Variants in PCBP3 observed in about 807,000 individuals in gnomAD.
The protein encoded by PCBP3 is poly(rC) binding protein 3.
In PCBP3, 25 loss-of-function variants were observed where a neutral mutation model predicts 52.7. The ratio of observed to expected loss-of-function variants is 0.47; its 90% confidence interval spans 0.35 to 0.66. The LOEUF (loss-of-function observed/expected upper bound fraction) is 0.66, where lower values mean the gene tolerates loss of function less well. Among genes scored for constraint, PCBP3 ranks in the 30% least tolerant of loss-of-function variants. The probability of loss-of-function intolerance (pLI) is 0.01; values close to 1 mark genes in which losing one functional copy is unlikely to be tolerated. For missense variants in PCBP3, 391 were observed against 490.3 expected (o/e 0.80, Z 1.91); for synonymous variants, 162 against 183.0 (o/e 0.89, Z 0.93).
At chr21:45,849,466 A>C in intron 4 of PCBP3, among the ~76,000 whole-genome samples, 1 of 152,082 alleles carries the variant, frequency 6.6e-6, no homozygotes, top group Non-Finnish European at 1.5e-5. Flanking sequence ...TTGGCCTCCC[A>C]AAGTGCTGGG....
intron 4 of PCBP3, among the ~76,000 whole-genome samples, chr21:45,784,335 G>GCTCTAC (rs1209477660): frequency 0.018 from 1,922 of 105,674 alleles, 55 homozygotes; most frequent in East Asian, 0.044. Context: ...AATAGTGACA[G>GCTCTAC]CTCTACCTCT....
chr21:45,900,928 T>A (rs1038817775), intron 8 of PCBP3, 69 bp from the exon 9 acceptor site: 1 of 1,061,520 alleles, frequency 9.4e-7, no homozygotes, highest in Non-Finnish European at 1.5e-6. Flanking sequence ...GTCAACGGAC[T>A]TGCGGCCCCC....
intron 2 of PCBP3, among the ~76,000 whole-genome samples, chr21:45,722,111 A>G (rs2084690493): frequency 6.6e-6 from 1 of 152,252 alleles, no homozygotes; most frequent in South Asian, 2.1e-4. Flanking sequence ...CCAAATACCC[A>G]GTAATAAAGG....
chr21:45,662,725 G>GGATATGATGA (rs998420034), intron 1 of PCBP3, among the ~76,000 whole-genome samples: 5 of 151,992 alleles, frequency 3.3e-5, no homozygotes, highest in Admixed American at 2.0e-4. Flanking sequence ...GGAGCTGAAG[G>GGATATGATGA]GACATGATGA....
At chr21:45,926,782 T>G (rs1265286052) in intron 13 of PCBP3, among the ~76,000 whole-genome samples, 1 of 150,776 alleles carries the variant, frequency 6.6e-6, no homozygotes, top group Non-Finnish European at 1.5e-5. Flanking sequence ...GGAGAAAATA[T>G]AGAAGAATGT....
chr21:45,827,348 C>T lies in PCBP3; in HGVS notation c.-125-22613C>T, dbSNP rs1156814729. ...GAAGATCTGGACATGATCATCACGT[C>T]ACATCACATGGCCAGGTTTCAACTG... On this transcript the variant is annotated intron_variant, in intron 4 of 17. Coordinates refer to ENST00000681687, the MANE Select transcript of PCBP3 (RefSeq NM_001384156.1). This position sits in a 1 kb window ranked among gnomAD's most constrained non-coding sequence, Gnocchi z 4.3. 2.0e-5 allele frequency among the ~76,000 whole-genome samples: 3 copies of T among 152,180 alleles called. No homozygotes were observed.
At chr21:45,646,843 C>CA (rs1339239333) in intron 1 of PCBP3, among the ~76,000 whole-genome samples, 20 of 152,342 alleles carry the variant, frequency 1.3e-4, no homozygotes, top group African/African-American at 4.6e-4. Context: ...GCATGTTTTG[C>CA]ATTCTCCAGC....
At chr21:45,655,662 A>T (rs1428248516) in intron 1 of PCBP3, among the ~76,000 whole-genome samples, 2 of 152,218 alleles carry the variant, frequency 1.3e-5, no homozygotes, top group Non-Finnish European at 2.9e-5. Flanking sequence ...AACAAATGGG[A>T]TCTAATTAAA....
At chr21:45,914,458 G>A (rs569022452) in intron 12 of PCBP3, 117 of 328,024 alleles carry the variant, frequency 3.6e-4, no homozygotes, top group Non-Finnish European at 5.8e-4. Flanking sequence ...AGGGACGTGC[G>A]AGAGGAGGGA....
At chr21:45,677,312 A>G (rs980040762) in intron 2 of PCBP3, among the ~76,000 whole-genome samples, 2 of 152,210 alleles carry the variant, frequency 1.3e-5, no homozygotes, top group Non-Finnish European at 2.9e-5. Context: ...TAACCACAAC[A>G]TTGCTTTAAG....
At chr21:45,885,566 C>A (rs570939023) in intron 5 of PCBP3, among the ~76,000 whole-genome samples, 1 of 152,282 alleles carries the variant, frequency 6.6e-6, no homozygotes, top group African/African-American at 2.4e-5. Flanking sequence ...GGGGCCCCAT[C>A]TGTGTGTCTT....
chr21:45,824,224 C>T (rs1221376047), intron 4 of PCBP3, among the ~76,000 whole-genome samples: 1 of 152,220 alleles, frequency 6.6e-6, no homozygotes, highest in Non-Finnish European at 1.5e-5. Flanking sequence ...CTCTCGGACA[C>T]TCAGGACAAG....
In PCBP3 at chr21:45,720,595, A is replaced by G. The variant is rs144852306; in HGVS notation, c.-199-14797A>G. The stretch of plus-strand genomic sequence containing the variant: ...TATTCTTTTAAATGCCTTAGCAGTA[A>G]AAGTATTCACAAATACAATAATTGT... On this transcript the variant is annotated intron_variant, in intron 2 of 17. Transcript: ENST00000681687. Among the ~76,000 whole-genome samples, 225 of 152,386 alleles carry G rather than the reference A, an allele frequency of 1.5e-3. 2 individuals are homozygous for G. The highest frequency in any genetic ancestry group is 5.2e-3 in the African/African-American group (215 of 41,590).
Position 45,817,617 on chromosome 21 carries a change from A to G in PCBP3, c.-125-32344A>G, listed in dbSNP as rs567525568. On this transcript the variant is annotated intron_variant, in intron 4 of 17. Coordinates refer to ENST00000681687, the MANE Select transcript of PCBP3 (RefSeq NM_001384156.1). This position sits in a 1 kb window ranked among gnomAD's most constrained non-coding sequence, Gnocchi z 4.3. ...GCCGTGAGCAGCAACTTGACAGTGG[A>G]CGCAGCTAGAAAGCAGCCGGCGAGG... Among the ~76,000 whole-genome samples, 2 of 152,342 alleles carry G rather than the reference A, an allele frequency of 1.3e-5. No homozygotes were observed. Among genetic ancestry groups the G allele is most frequent in the East Asian group, 1.9e-4 (1 of 5,182 alleles).
At chr21:45,743,617 G>C (rs781732754) in intron 3 of PCBP3, among the ~76,000 whole-genome samples, 1 of 152,134 alleles carries the variant, frequency 6.6e-6, no homozygotes, top group African/African-American at 2.4e-5. Context: ...ACTAGAATAA[G>C]GGTTAATAAT....
At chr21:45,745,055 G>T (rs1274115904) in intron 3 of PCBP3, among the ~76,000 whole-genome samples, 1 of 152,192 alleles carries the variant, frequency 6.6e-6, no homozygotes, top group Admixed American at 6.5e-5. Flanking sequence ...GAGCAGCAGG[G>T]TACAGTGTGA....
chr21:45,674,894 C>T (rs1478974308), intron 2 of PCBP3, among the ~76,000 whole-genome samples: 1 of 152,182 alleles, frequency 6.6e-6, no homozygotes, highest in East Asian at 1.9e-4. Context: ...TTCCCCCTTC[C>T]CTGGCTCAGT....
rs181543566 is a variant in PCBP3, at chr21:45,654,797, G to A, written c.-279+10929G>A. Among the ~76,000 whole-genome samples the A allele has an allele frequency of 2.1e-3, 313 of 152,168 alleles. 1 individual carries two copies. Among genetic ancestry groups the A allele is most frequent in the African/African-American group, 7.3e-3 (301 of 41,506 alleles). On this transcript the variant is annotated intron_variant, in intron 1 of 17. Coordinates refer to ENST00000681687, the MANE Select transcript of PCBP3 (RefSeq NM_001384156.1). ...TTTTTTGGTGTATTTTCAAGGTCATGCAACTGTCATTACTACATAATTCCA... is the reference window on the plus strand; with the variant it reads ...TTTTTTGGTGTATTTTCAAGGTCATACAACTGTCATTACTACATAATTCCA...
intron 4 of PCBP3, among the ~76,000 whole-genome samples, chr21:45,820,613 A>G (rs1271802396): frequency 6.6e-6 from 1 of 152,112 alleles, no homozygotes. Flanking sequence ...GGAAACGTGG[A>G]TTGTGGATAT....
Sources: allele counts gnomAD v4.1 joint callset (sites outside exome capture counted in the v4.1 genomes callset), GRCh38; gene constraint gnomAD v4.1.1; non-coding constraint Gnocchi (gnomAD v3.1); transcripts MANE v1.5; gene names NCBI Gene and HGNC (gene_info 2026-07-23, HGNC 2026-07-21).